BRCA1: variants seen among roughly 807,000 people sequenced by gnomAD.
The protein encoded by BRCA1 is BRCA1 DNA repair associated.
A neutral mutation model predicts 173.7 loss-of-function variants in BRCA1; 140 were observed. The ratio of observed to expected loss-of-function variants is 0.81; its 90% CI spans 0.70 to 0.93. The LOEUF is 0.93. Ranked by LOEUF, BRCA1 falls within the 40% of genes least tolerant of loss-of-function variation. BRCA1 has a pLI of 0.00. For synonymous variants in BRCA1, 662 were observed against 756.0 expected (o/e 0.88, Z 2.04); for missense variants, 1,983 against 2,172.5 (o/e 0.91, Z 1.73).
intron 22 of BRCA1, among the ~76,000 whole-genome samples, 192 bp downstream of exon 22, chr17:43,047,451 A>G (rs2050962930): frequency 6.6e-6 from 1 of 152,188 alleles, no homozygotes; most frequent in Non-Finnish European, 1.5e-5. Flanking sequence ...CACCCCATGG[A>G]AACAGTTCAT....
In BRCA1 at chr17:43,091,660, ATT is replaced by A. The variant is rs80357918; in HGVS notation, c.3869_3870del (p.Lys1290MetfsTer4). Reference sequence around the variant, plus strand: ...TGTGAAGAAAACAAGCTAGCAGAACATTTTGTTTCCTCACTAAGGTGATGTTC... The same window carrying A: ...TGTGAAGAAAACAAGCTAGCAGAACATTGTTTCCTCACTAAGGTGATGTTC... ...SQEHHLSEET[K>X]CSASLFSSQC... On this transcript the variant is annotated frameshift_variant, in exon 10 of 23. Transcript: ENST00000357654. LOFTEE classifies it high-confidence loss of function. 2 of 1,614,166 alleles carry A rather than the reference ATT, an allele frequency of 1.2e-6. No homozygotes were observed. Among genetic ancestry groups the A allele is most frequent in the Non-Finnish European group, 1.7e-6 (2 of 1,180,024 alleles).
chr17:43,115,702 G>A, intron 3 of BRCA1, 24 bp downstream of exon 3: 3 of 1,607,990 alleles, frequency 1.9e-6, no homozygotes, highest in Non-Finnish European at 8.5e-7. Context: ...TAATAATGGA[G>A]CCACATAACA....
At chr17:43,064,538 C>T (rs1384237649) in intron 16 of BRCA1, among the ~76,000 whole-genome samples, 1 of 152,158 alleles carries the variant, frequency 6.6e-6, no homozygotes, top group African/African-American at 2.4e-5. Flanking sequence ...CCCAGTGTTT[C>T]AAAGGCCCTT....
intron 2 of BRCA1, 60 bp from the exon 3 acceptor site, chr17:43,115,839 T>C: frequency 2.0e-6 from 3 of 1,522,590 alleles, no homozygotes; most frequent in East Asian, 2.4e-5. Flanking sequence ...TATTTAAAAA[T>C]AAAGCTATTC....
intron 18 of BRCA1, among the ~76,000 whole-genome samples, chr17:43,060,133 C>T (rs574070797): frequency 2.3e-3 from 344 of 152,132 alleles, no homozygotes; most frequent in Non-Finnish European, 3.8e-3. Context: ...TGCAATGGTG[C>T]GATCTCAGCT....
Position 43,070,973 on chromosome 17 carries a change from G to C in BRCA1, c.4941C>G (p.Asn1647Lys), listed in dbSNP as rs80357302. The part of the protein sequence containing the change: ...PELTASTERV[N>K]KRMSMVVSGL... Reference sequence around the variant, plus strand: ...CAGACACCACCATGGACATTCTTTTGTTGACCCTTTCTGTTGAAGCTGTCA... The same window carrying C: ...CAGACACCACCATGGACATTCTTTTCTTGACCCTTTCTGTTGAAGCTGTCA... Residue 1647 changes from asparagine (N) to lysine (K), a missense_variant, in exon 15 of 23, where the codon AAC becomes AAG. Asn to Lys is a moderately conservative substitution (Grantham distance 94). Coordinates refer to ENST00000357654, the MANE Select transcript of BRCA1 (RefSeq NM_007294.4). 1 of 1,614,200 alleles carries C rather than the reference G, an allele frequency of 6.2e-7. No individual in the cohort carries two copies. Among genetic ancestry groups the C allele is most frequent in the Non-Finnish European group, 8.5e-7 (1 of 1,180,040 alleles).
upstream of BRCA1, among the ~76,000 whole-genome samples, chr17:43,127,170 C>T (rs569593353): frequency 4.3e-4 from 65 of 152,374 alleles, no homozygotes; most frequent in African/African-American, 7.7e-4. Context: ...CCTCAGCGCC[C>T]GGTCCCATCG....
intron 18 of BRCA1, among the ~76,000 whole-genome samples, chr17:43,059,469 C>CACAACAACAACAACAACAACAACA (rs746155740): frequency 1.4e-5 from 2 of 147,440 alleles, no homozygotes; most frequent in African/African-American, 5.0e-5. Context: ...GAGATGCTGT[C>CACAACAACAACAACAACAACAACA]ACAACAACAA....
At chr17:43,124,609 G>C (rs1597924659) in intron 1 of BRCA1, 1 of 173,402 alleles carries the variant, frequency 5.8e-6, no homozygotes, top group Non-Finnish European at 1.2e-5. Flanking sequence ...CTTCCCTCTT[G>C]CGCTTTCTCA....
chr17:43,079,536 T>C (rs1378155130), intron 12 of BRCA1: 6 of 995,642 alleles, frequency 6.0e-6, no homozygotes, highest in Non-Finnish European at 9.6e-6. Context: ...TGTAAACAAG[T>C]TAAGGGCAAG....
intron 1 of BRCA1, among the ~76,000 whole-genome samples, chr17:43,141,767 G>C (rs1432615804): frequency 6.6e-6 from 1 of 151,632 alleles, no homozygotes; most frequent in South Asian, 2.1e-4. Context: ...AGCCGAGATC[G>C]CACCACTGCA....
chr17:43,164,623 C>T (rs2056255804), intron 1 of BRCA1: 1 of 152,098 alleles, frequency 6.6e-6, no homozygotes, highest in Non-Finnish European at 1.5e-5. Flanking sequence ...GGGACTGTGG[C>T]CCATGACTCT....
chr17:43,155,124 G>C (rs1451831189), intron 1 of BRCA1, among the ~76,000 whole-genome samples: 1 of 151,744 alleles, frequency 6.6e-6, no homozygotes, highest in East Asian at 1.9e-4. Flanking sequence ...GTAACTTTTG[G>C]TAGGAACCTG....
chr17:43,167,443 T>TG (rs1011120687), intron 1 of BRCA1: 1 of 152,192 alleles, frequency 6.6e-6, no homozygotes, highest in African/African-American at 2.4e-5. Context: ...GGTACGTGAC[T>TG]GGGGGCTGCA....
intron 1 of BRCA1, among the ~76,000 whole-genome samples, chr17:43,149,944 G>A (rs1216178712): frequency 6.6e-6 from 1 of 151,436 alleles, no homozygotes; most frequent in Non-Finnish European, 1.5e-5. Context: ...ACCCACCACC[G>A]TGCCTAGCTA....
intron 6 of BRCA1, among the ~76,000 whole-genome samples, chr17:43,100,823 C>T (rs1349201931): frequency 6.8e-6 from 1 of 147,328 alleles, no homozygotes; most frequent in African/African-American, 2.5e-5. Context: ...CCTCCACCTC[C>T]CTGGTTCAGT....
upstream of BRCA1, among the ~76,000 whole-genome samples, chr17:43,126,870 C>T (rs144412026): frequency 0.025 from 3,752 of 152,148 alleles, 75 homozygotes; most frequent in Non-Finnish European, 0.035. Context: ...TGGGGCTGCG[C>T]GCAGCGCTCG....
chr17:43,069,181 C>T (rs1178610465), intron 15 of BRCA1, among the ~76,000 whole-genome samples: 2 of 152,216 alleles, frequency 1.3e-5, no homozygotes, highest in African/African-American at 4.8e-5. Context: ...TGCTACCACC[C>T]TCCGCCAGGA....
At chr17:43,140,057 G>T (rs1036199889) in intron 1 of BRCA1, 4 of 390,736 alleles carry the variant, frequency 1.0e-5, no homozygotes, top group Non-Finnish European at 2.0e-5. Context: ...ACTATGGTTG[G>T]AAGCTTAGTG....
Sources: gnomAD v4.1 joint callset for allele counts (sites outside exome capture counted in the v4.1 genomes callset) on GRCh38, gnomAD v4.1.1 for gene constraint, MANE v1.5 for transcripts, NCBI Gene and HGNC (gene_info 2026-07-23, HGNC 2026-07-21) for gene names.